Variants in ADGRL4 observed in about 807,000 individuals in gnomAD.
ADGRL4 encodes the protein EGF, latrophilin and seven transmembrane domain containing 1.
In ADGRL4, 90 loss-of-function variants were observed where a neutral mutation model predicts 74.8. The observed-to-expected ratio is 1.20, with a 90% CI of 1.02 to 1.43. The LOEUF (loss-of-function observed/expected upper bound fraction) is 1.43. Among genes scored for constraint, ADGRL4 ranks in the 40% most tolerant of loss-of-function variants. ADGRL4 has a pLI of 0.00. For synonymous variants in ADGRL4, 311 were observed against 279.2 expected, an observed-to-expected ratio of 1.11 and a Z score of -1.14; for missense variants, 881 against 814.3, an observed-to-expected ratio of 1.08 and a Z score of -1.00.
intron 2 of ADGRL4, among the ~76,000 whole-genome samples, chr1:79,004,691 A>G (rs2100746013): frequency 6.6e-6 from 1 of 152,272 alleles, no homozygotes; most frequent in African/African-American, 2.4e-5. Flanking sequence ...CCATATAGGT[A>G]TAAAAATACT....
chr1:78,921,734 G>A lies in ADGRL4; in HGVS notation c.1136C>T (p.Thr379Ile). 1 of 1,602,104 alleles carries A rather than the reference G, an allele frequency of 6.2e-7. No homozygotes were observed. The highest frequency in any genetic ancestry group is 8.5e-7 in the Non-Finnish European group (1 of 1,174,172). The change falls in exon 9 of 15, where the codon ACC (threonine) becomes ATC (isoleucine). Residue 379 changes from threonine to isoleucine, a missense_variant. Transcript: ENST00000370742. ...CTCTGAAGACCAGCTGCCATTCATG[G>A]TATCAGGTGAGTAATTCCAAAATGC... ...LCAFWNYSPD[T>I]MNGSWSSEGC...
At chr1:78,921,907 C>A (rs1272105833) in intron 8 of ADGRL4, 121 bp from the exon 9 acceptor site, 2 of 472,042 alleles carry the variant, frequency 4.2e-6, no homozygotes, top group Non-Finnish European at 7.1e-6. Flanking sequence ...AAACACAAAA[C>A]AAATTATAAC....
chr1:78,937,774 A>G, intron 6 of ADGRL4, 33 bp downstream of exon 6: 1 of 1,580,744 alleles, frequency 6.3e-7, no homozygotes, highest in Non-Finnish European at 8.6e-7. Flanking sequence ...TTTGGAAAAC[A>G]CAATTACTTT....
intron 4 of ADGRL4, among the ~76,000 whole-genome samples, chr1:78,938,520 A>G (rs1327712351): frequency 1.1e-5 from 1 of 92,912 alleles, no homozygotes; most frequent in Non-Finnish European, 2.4e-5. Context: ...GCATGTTTGA[A>G]TTAATAATTT....
chr1:78,914,641 CT>C (rs11306581), intron 12 of ADGRL4, among the ~76,000 whole-genome samples: 86,151 of 150,718 alleles, frequency 0.57, 24,870 homozygotes, highest in East Asian at 0.7. Flanking sequence ...ATAAAAGTTA[CT>C]TTTTTTTTTC....
chr1:78,966,338 A>G (rs1650055888), intron 2 of ADGRL4, among the ~76,000 whole-genome samples: 1 of 151,868 alleles, frequency 6.6e-6, no homozygotes, highest in Non-Finnish European at 1.5e-5. Context: ...AATAAATTCC[A>G]TTATTCTCAA....
chr1:79,005,034 C>T, intron 2 of ADGRL4, 36 bp downstream of exon 2: 1 of 1,581,226 alleles, frequency 6.3e-7, no homozygotes, highest in Non-Finnish European at 8.6e-7. Context: ...TTTAATCTTA[C>T]AGTATAATCC....
At chr1:78,902,579 A>G (rs750741843) in intron 12 of ADGRL4, among the ~76,000 whole-genome samples, 31 of 152,200 alleles carry the variant, frequency 2.0e-4, no homozygotes, top group Non-Finnish European at 3.4e-4. Context: ...CAAAGCTACC[A>G]AACTAAGATG....
intron 3 of ADGRL4, among the ~76,000 whole-genome samples, chr1:78,942,412 G>T (rs540529761): frequency 1.3e-5 from 2 of 152,040 alleles, no homozygotes; most frequent in African/African-American, 4.8e-5. Flanking sequence ...TTTTCTTCTA[G>T]GTTACCATGT....
rs1404554231 is a variant in ADGRL4 at position 79,006,132 on chromosome 1, T to C, written c.22+501A>G. 2.0e-5 allele frequency among the ~76,000 whole-genome samples: 3 copies of C among 152,256 alleles called. No individual in the cohort carries two copies. In the East Asian group the frequency reaches 5.8e-4, roughly 29 times the overall value. ...GGTCATTGTTCTGAAAACAGTCATCTAACATTAGTTGTCCTTATCAGGTAC... is the reference window on the plus strand; with the variant it reads ...GGTCATTGTTCTGAAAACAGTCATCCAACATTAGTTGTCCTTATCAGGTAC... On this transcript the variant is annotated intron_variant, in intron 1 of 14. Transcript: ENST00000370742.
intron 12 of ADGRL4, among the ~76,000 whole-genome samples, chr1:78,902,061 C>G (rs1177780322): frequency 1.3e-5 from 2 of 152,118 alleles, no homozygotes; most frequent in African/African-American, 4.8e-5. Flanking sequence ...TAATAGATTG[C>G]TCTGGGATAG....
intron 2 of ADGRL4, among the ~76,000 whole-genome samples, chr1:78,995,317 G>T (rs189006393): frequency 6.6e-6 from 1 of 152,178 alleles, no homozygotes; most frequent in African/African-American, 2.4e-5. Flanking sequence ...CCTTCTGAGG[G>T]AGGAAACCAC....
Position 78,938,295 on chromosome 1 carries a change from T to C in ADGRL4, c.397-16A>G, listed in dbSNP as rs1290080874. 1 of 1,542,126 alleles carries C rather than the reference T, an allele frequency of 6.5e-7. No individual in the cohort carries two copies. Among genetic ancestry groups the C allele is most frequent in the Non-Finnish European group, 8.7e-7 (1 of 1,152,584 alleles). ...TGGATCTGATCTGAGAAAAAATGAG[T>C]CCAGAAAAAGGAAACTAAATTAGTT... On this transcript the variant is annotated splice_polypyrimidine_tract_variant and intron_variant, in intron 4 of 14. Coordinates refer to ENST00000370742, the MANE Select transcript of ADGRL4 (RefSeq NM_022159.4).
At chr1:78,964,324 A>G (rs1312667154) in intron 2 of ADGRL4, among the ~76,000 whole-genome samples, 3 of 152,178 alleles carry the variant, frequency 2.0e-5, no homozygotes, top group Non-Finnish European at 4.4e-5. Context: ...ATGTTTAATA[A>G]CAGCCTTTTA....
At chr1:78,939,151 T>A (rs774447106) in intron 4 of ADGRL4, 37 bp downstream of exon 4, 1 of 1,517,808 alleles carries the variant, frequency 6.6e-7, no homozygotes, top group Admixed American at 2.3e-5. Context: ...GAAACCAAAA[T>A]GTCAAAATAA....
chr1:78,987,603 G>T (rs966186468), intron 2 of ADGRL4, among the ~76,000 whole-genome samples: 1 of 151,692 alleles, frequency 6.6e-6, no homozygotes, highest in Non-Finnish European at 1.5e-5. Context: ...TACCATGATG[G>T]TTATCTAGCT....
chr1:78,935,542 AC>A (rs536296964), intron 7 of ADGRL4, among the ~76,000 whole-genome samples: 8,782 of 149,752 alleles, frequency 0.059, 266 homozygotes, highest in South Asian at 0.096. Context: ...AAAAAAAAAA[AC>A]AAACCTACTT....
intron 8 of ADGRL4, 25 bp from the exon 9 acceptor site, chr1:78,921,811 G>GA: frequency 7.6e-7 from 1 of 1,323,372 alleles, no homozygotes; most frequent in South Asian, 1.8e-5. Context: ...CTTTACTGAT[G>GA]AAAAAAGAGA....
rs1471829819 is a variant in ADGRL4, at chr1:78,889,864, C to G, written c.*1290G>C. 1 of 459,300 alleles carries G rather than the reference C, an allele frequency of 2.2e-6. No individual in the cohort carries two copies. Among genetic ancestry groups the G allele is most frequent in the Admixed American group, 2.5e-5 (1 of 40,656 alleles). 28.5% of individuals were successfully genotyped at this position (459,300 alleles called of 1,614,324 possible). ...AAATCACAAATTTAGTGTATTGGCA[C>G]ACTTTTACAGGTCGGCAAAGAAAAA... On this transcript the variant is annotated 3_prime_UTR_variant, in exon 15 of 15. Transcript: ENST00000370742.
Sources: allele counts gnomAD v4.1 joint callset (sites outside exome capture counted in the v4.1 genomes callset), GRCh38; gene constraint gnomAD v4.1.1; transcripts MANE v1.5; gene names NCBI Gene and HGNC (gene_info 2026-07-23, HGNC 2026-07-21).